The following FREM1 variants were observed in gnomAD, a reference collection of about 807,000 sequenced individuals.
FREM1 encodes FRAS1 related extracellular matrix 1.
FREM1 carries 220 observed loss-of-function variants against 210.1 expected under a neutral mutation model. The ratio of observed to expected loss-of-function variants is 1.05; its 90% CI spans 0.94 to 1.17. FREM1 has a LOEUF of 1.17. FREM1 is among the 50% of genes most tolerant of loss of function. The pLI, the probability that FREM1 is intolerant of heterozygous loss-of-function variation, is 0.00. For synonymous variants in FREM1, 1,189 were observed against 980.2 expected (o/e 1.21, Z -3.98); for missense variants, 3,454 against 2,675.5 (o/e 1.29, Z -6.42).
At chr9:14,878,637 A>G (rs891229529) in intron 1 of FREM1, among the ~76,000 whole-genome samples, 2 of 152,214 alleles carry the variant, frequency 1.3e-5, no homozygotes, top group African/African-American at 4.8e-5. Context: ...AAAAACCACA[A>G]TTACTTTTGT....
In FREM1 at chr9:14,861,381, A is replaced by C. The variant is rs112593046; in HGVS notation, c.330-1897T>G. Among the ~76,000 whole-genome samples, 51 of 147,654 alleles carry C rather than the reference A, an allele frequency of 3.5e-4. 6 individuals are homozygous for C. The highest frequency in any genetic ancestry group is 9.3e-4 in the African/African-American group (37 of 39,870). On this transcript the variant is annotated intron_variant, in intron 3 of 36. Transcript: ENST00000380880. Reference sequence around the variant, plus strand: ...TACACATATATACACGTATATACATATATGTACACATATATATGTAATGGG... The same window carrying C: ...TACACATATATACACGTATATACATCTATGTACACATATATATGTAATGGG...
At chr9:14,763,242 G>C (rs1845821969) in intron 27 of FREM1, among the ~76,000 whole-genome samples, 1 of 152,176 alleles carries the variant, frequency 6.6e-6, no homozygotes, top group Non-Finnish European at 1.5e-5. Flanking sequence ...ATGATGTTTA[G>C]CAGCACCTCT....
At chr9:14,906,040 A>G (rs1051206901) in intron 1 of FREM1, among the ~76,000 whole-genome samples, 4 of 152,160 alleles carry the variant, frequency 2.6e-5, no homozygotes, top group Non-Finnish European at 5.9e-5. Flanking sequence ...TTTTCTTTTC[A>G]TCTATAAATT....
intron 30 of FREM1, among the ~76,000 whole-genome samples, chr9:14,748,947 CTTA>C (rs1842901538): frequency 6.6e-6 from 1 of 152,178 alleles, no homozygotes; most frequent in African/African-American, 2.4e-5. Flanking sequence ...TCTCACTTCT[CTTA>C]TTATAGTATT....
intron 5 of FREM1, among the ~76,000 whole-genome samples, chr9:14,853,614 A>G (rs1337091601): frequency 6.6e-6 from 1 of 152,134 alleles, no homozygotes; most frequent in African/African-American, 2.4e-5. Context: ...CCATTCCCCA[A>G]AACCACCCCT....
chr9:14,891,716 T>G (rs1433016605), intron 1 of FREM1, among the ~76,000 whole-genome samples: 2 of 152,110 alleles, frequency 1.3e-5, no homozygotes, highest in Non-Finnish European at 2.9e-5. Context: ...GAAAAATTAG[T>G]ATTGAGAAAG....
intron 15 of FREM1, among the ~76,000 whole-genome samples, chr9:14,814,805 A>G (rs1820013553): frequency 6.6e-6 from 1 of 152,174 alleles, no homozygotes; most frequent in South Asian, 2.1e-4. Context: ...AAAATCACAA[A>G]CACTTGTCAA....
In FREM1 at chr9:14,851,328, A is replaced by G. The variant is rs766589295; in HGVS notation, c.1108T>C (p.Tyr370His). ...WKDLSDMQIA[Y>H]QPPNSSHSER... ...GAATGGCTGCTGTTTGGTGGCTGATAGGCGATCTGCATGTCACTGAGATCT... is the reference window on the plus strand; with the variant it reads ...GAATGGCTGCTGTTTGGTGGCTGATGGGCGATCTGCATGTCACTGAGATCT... Residue 370 changes from tyrosine to histidine, a missense_variant, in exon 6 of 37, where the codon TAT (tyrosine) becomes CAT (histidine). By Grantham distance (83) the Tyr-to-His change is moderately conservative. Coordinates refer to ENST00000380880, the MANE Select transcript of FREM1 (RefSeq NM_001379081.2). The G allele has an allele frequency of 1.9e-6, 3 of 1,607,476 alleles. No homozygotes were observed. Among genetic ancestry groups the G allele is most frequent in the Non-Finnish European group, 2.6e-6 (3 of 1,175,642 alleles).
intron 25 of FREM1, among the ~76,000 whole-genome samples, chr9:14,773,220 G>C (rs1357740763): frequency 1.3e-5 from 2 of 152,152 alleles, no homozygotes; most frequent in Non-Finnish European, 2.9e-5. Flanking sequence ...AGAAGTACAG[G>C]TTGCATCAGT....
chr9:14,819,707 C>T (rs1820946230), intron 13 of FREM1, among the ~76,000 whole-genome samples: 1 of 152,108 alleles, frequency 6.6e-6, no homozygotes, highest in Admixed American at 6.6e-5. Flanking sequence ...TATTGCATAG[C>T]CTGTATAGTA....
intron 1 of FREM1, among the ~76,000 whole-genome samples, chr9:14,900,365 T>G (rs1201146384): frequency 6.6e-6 from 1 of 152,262 alleles, no homozygotes; most frequent in Non-Finnish European, 1.5e-5. Flanking sequence ...CTGCATTTTA[T>G]CTTATTCTCC....
intron 13 of FREM1, among the ~76,000 whole-genome samples, chr9:14,819,745 G>A (rs545287797): frequency 6.6e-6 from 1 of 152,304 alleles, no homozygotes; most frequent in South Asian, 2.1e-4. Context: ...TATCTGTGCT[G>A]CTAAACTGAG....
Position 14,857,626 on chromosome 9 carries a change from G to A in FREM1, c.755C>T (p.Pro252Leu), listed in dbSNP as rs1399635795. ...GATATAATCAATGTTGGGTGAAGGG[G>A]GATCCAGATGCTGATAACGAAGGCC... Reference protein sequence around the residue: ...LMGLRYQHLDPPSPNIDYISI... With the variant: ...LMGLRYQHLDLPSPNIDYISI... Residue 252 changes from proline to leucine, a missense_variant, in exon 5 of 37, where the codon CCC becomes CTC. Transcript: ENST00000380880. 2.5e-6 allele frequency: 4 copies of A among 1,613,700 alleles called. No individual in the cohort carries two copies. Among genetic ancestry groups the A allele is most frequent in the Non-Finnish European group, 2.5e-6 (3 of 1,179,846 alleles).
In FREM1 at chr9:14,903,770, T is replaced by C. The variant is rs1460747704; in HGVS notation, c.-268+6144A>G. Among the ~76,000 whole-genome samples the C allele has an allele frequency of 1.3e-5, 2 of 152,150 alleles. 1 individual carries two copies. The highest frequency in any genetic ancestry group is 1.3e-4 in the Admixed American group (2 of 15,278). ...AGCAATTATTGTGCCTTAAGCAGTCTCATAAAAAACAAGAACACCAACACA... is the reference window on the plus strand; with the variant it reads ...AGCAATTATTGTGCCTTAAGCAGTCCCATAAAAAACAAGAACACCAACACA... On this transcript the variant is annotated intron_variant, in intron 1 of 36. Coordinates refer to ENST00000380880, the MANE Select transcript of FREM1 (RefSeq NM_001379081.2).
chr9:14,859,461 A>C lies in FREM1; in HGVS notation c.353T>G (p.Ile118Arg), dbSNP rs375644504. 3 of 1,613,184 alleles carry C rather than the reference A, an allele frequency of 1.9e-6. No homozygotes were observed. The African/African-American group carries it at 4.0e-5, about 22-fold the overall frequency. Residue 118 changes from isoleucine (I) to arginine (R), a missense_variant, in exon 4 of 37, where the codon ATA becomes AGA. Transcript: ENST00000380880. ...LYRFTERDTF[I>R]ETFILWVYLL... ...ATAGACCCACAGGATAAAAGTTTCT[A>C]TGAAGGTATCTCTTTCAGTAAATCT...
At chr9:14,843,349 C>T (rs1051606184) in intron 8 of FREM1, among the ~76,000 whole-genome samples, 1 of 152,174 alleles carries the variant, frequency 6.6e-6, no homozygotes, top group African/African-American at 2.4e-5. Context: ...GACTGGGTTA[C>T]ACCATCAGCT....
At chr9:14,861,126 T>TAC (rs1318649704) in intron 3 of FREM1, among the ~76,000 whole-genome samples, 1 of 98,946 alleles carries the variant, frequency 1.0e-5, no homozygotes, top group African/African-American at 5.6e-5. Context: ...TATACATATA[T>TAC]ACACATATAT....
intron 5 of FREM1, among the ~76,000 whole-genome samples, chr9:14,854,524 T>C (rs965811039): frequency 1.3e-5 from 2 of 152,018 alleles, no homozygotes; most frequent in African/African-American, 4.8e-5. Context: ...GTAAAAAATA[T>C]AAGACAAAGA....
intron 10 of FREM1, among the ~76,000 whole-genome samples, chr9:14,833,553 A>T (rs956525718): frequency 2.0e-5 from 3 of 152,340 alleles, no homozygotes; most frequent in African/African-American, 7.2e-5. Context: ...TTGCACACTC[A>T]TGGTTAAGTC....
Sources: gnomAD v4.1 joint callset for allele counts (sites outside exome capture counted in the v4.1 genomes callset) on GRCh38, gnomAD v4.1.1 for gene constraint, MANE v1.5 for transcripts, NCBI Gene and HGNC (gene_info 2026-07-23, HGNC 2026-07-21) for gene names.